NCR3LG1: variants seen among roughly 807,000 people sequenced by gnomAD.
NCR3LG1 encodes the protein natural killer cell cytotoxicity receptor 3 ligand 1.
NCR3LG1 carries 35 observed loss-of-function variants against 34.8 expected under a neutral mutation model. The observed-to-expected ratio is 1.01, with a 90% CI of 0.77 to 1.33. The LOEUF (loss-of-function observed/expected upper bound fraction) is 1.33. Ranked by LOEUF, NCR3LG1 falls within the 40% of genes most tolerant of loss-of-function variation. The probability of loss-of-function intolerance (pLI) is 0.00; values close to 1 mark genes in which losing one functional copy is unlikely to be tolerated. For synonymous variants in NCR3LG1, 173 were observed against 163.6 expected (o/e 1.06, Z -0.44); for missense variants, 452 against 423.3 (o/e 1.07, Z -0.60).
chr11:17,360,393 A>G (rs1235008958), intron 2 of NCR3LG1, among the ~76,000 whole-genome samples: 2 of 152,164 alleles, frequency 1.3e-5, no homozygotes, highest in African/African-American at 4.8e-5. Context: ...CTTAATTTTA[A>G]AAAGTCGAAC....
chr11:17,363,202 G>T (rs1052492093), intron 2 of NCR3LG1, among the ~76,000 whole-genome samples: 1 of 151,534 alleles, frequency 6.6e-6, no homozygotes, highest in East Asian at 2.0e-4. Flanking sequence ...GGGATTACAG[G>T]CATGAGCCAC....
chr11:17,367,445 G>A, intron 3 of NCR3LG1, 98 bp downstream of exon 3: 1 of 1,041,698 alleles, frequency 9.6e-7, no homozygotes, highest in Non-Finnish European at 1.4e-6. Flanking sequence ...GGGGACTGAA[G>A]GGGAAACAGA....
chr11:17,371,144 C>G (rs1239175313), intron 4 of NCR3LG1, among the ~76,000 whole-genome samples: 2 of 146,372 alleles, frequency 1.4e-5, no homozygotes, highest in African/African-American at 2.7e-5. Flanking sequence ...AGCATTCCCT[C>G]TATGAGACAA....
intron 2 of NCR3LG1, among the ~76,000 whole-genome samples, chr11:17,362,796 C>CTCTTTCTT (rs74193431): frequency 2.2e-5 from 3 of 137,624 alleles, no homozygotes; most frequent in African/African-American, 5.5e-5. Context: ...TTCTTTCTCT[C>CTCTTTCTT]TCTTTCTTTC....
chr11:17,369,035 C>T, intron 4 of NCR3LG1, 71 bp downstream of exon 4: 2 of 938,794 alleles, frequency 2.1e-6, no homozygotes, highest in East Asian at 2.6e-5. Flanking sequence ...CAGCTGCTGC[C>T]AACCTTACAA....
chr11:17,366,664 G>A (rs976715066), intron 2 of NCR3LG1, among the ~76,000 whole-genome samples: 1 of 152,146 alleles, frequency 6.6e-6, no homozygotes, highest in Non-Finnish European at 1.5e-5. Context: ...GTCAGTACCC[G>A]GTTGGCACTG....
In NCR3LG1 at chr11:17,372,022, C is replaced by T. The variant is rs759831039; in HGVS notation, c.875C>T (p.Ser292Phe). The T allele has an allele frequency of 1.3e-4, 93 of 700,322 alleles. No homozygotes were observed. Among genetic ancestry groups the T allele is most frequent in the Admixed American group, 4.4e-4 (22 of 49,836 alleles). The allele number at this position is 700,322 out of a possible 1,614,324, so 43.4% of individuals were successfully genotyped here. A position where few individuals can be genotyped will look rare whatever the true frequency, so the allele number is the denominator to read the frequency against. The change falls in exon 5 of 5, where the codon TCT becomes TTT. Residue 292 changes from serine (S) to phenylalanine (F), a missense_variant. Physicochemically the swap from Ser to Phe is radical, Grantham distance 155. Coordinates refer to ENST00000338965, the MANE Select transcript of NCR3LG1 (RefSeq NM_001202439.3). ...TTTTTCTAGATATGTAACAAATCATCTTCAGCCTATACTCCTCTCAAGTGC... is the reference window on the plus strand; with the variant it reads ...TTTTTCTAGATATGTAACAAATCATTTTCAGCCTATACTCCTCTCAAGTGC... Reference protein sequence around the residue: ...IPWKKICNKSSSAYTPLKCIL... With the variant: ...IPWKKICNKSFSAYTPLKCIL...
Position 17,372,709 on chromosome 11 carries a change from C to G in NCR3LG1, c.*197C>G. ...TAAACTCTTAACTACTACAGAGAAACAGGTAGCCCTGCAGGCAGCAGAAAA... is the reference window on the plus strand; with the variant it reads ...TAAACTCTTAACTACTACAGAGAAAGAGGTAGCCCTGCAGGCAGCAGAAAA... On this transcript the variant is annotated 3_prime_UTR_variant, in exon 5 of 5. Coordinates refer to ENST00000338965, the MANE Select transcript of NCR3LG1 (RefSeq NM_001202439.3). 3.8e-6 allele frequency: 2 copies of G among 521,342 alleles called. No individual in the cohort carries two copies. The highest frequency in any genetic ancestry group is 6.7e-6 in the Non-Finnish European group (2 of 296,678). 32.3% of individuals were successfully genotyped at this position (521,342 alleles called of 1,614,324 possible). A position where few individuals can be genotyped will look rare whatever the true frequency, so the allele number is the denominator to read the frequency against.
At chr11:17,364,790 C>T (rs1167206621) in intron 2 of NCR3LG1, among the ~76,000 whole-genome samples, 1 of 152,182 alleles carries the variant, frequency 6.6e-6, no homozygotes, top group African/African-American at 2.4e-5. Flanking sequence ...AGGTGATCCA[C>T]CCACCTCGGC....
Position 17,359,501 on chromosome 11 carries a change from CTT to C in NCR3LG1, c.421+2515_421+2516del, listed in dbSNP as rs34224243. Among the ~76,000 whole-genome samples, 1,136 of 136,614 alleles carry C rather than the reference CTT, an allele frequency of 8.3e-3. 13 individuals carry two copies. Among genetic ancestry groups the C allele is most frequent in the African/African-American group, 0.027 (1,013 of 37,118 alleles). The allele number at this position is 136,614 out of a possible 152,430, so 89.6% of individuals were successfully genotyped here. ...AGAGTACAGTGCTTTTTGGCAATTC[CTT>C]TTTTTTTTTTTTTTGAGATTTTTTT... is the stretch of plus-strand genomic sequence containing the variant. On this transcript the variant is annotated intron_variant, in intron 2 of 4. Transcript: ENST00000338965.
chr11:17,374,032 T>C lies in NCR3LG1; in HGVS notation c.*1520T>C, dbSNP rs546737618. The C allele has an allele frequency of 6.6e-6, 1 of 152,248 alleles. No homozygotes were observed. The highest frequency in any genetic ancestry group is 2.1e-4 in the South Asian group (1 of 4,822). The allele number at this position is 152,248 out of a possible 1,614,324, so 9.4% of individuals were successfully genotyped here. The stretch of plus-strand genomic sequence containing the variant: ...GTAGAAAAGGGCTAGACGCCAGCAT[T>C]GATAACCTAAAGGCACAAGGCCTCC... On this transcript the variant is annotated 3_prime_UTR_variant, in exon 5 of 5. Transcript: ENST00000338965.
At position 17,367,173 on chromosome 11, in the gene NCR3LG1, A is replaced by G. The variant is rs1357368614; in HGVS notation, c.586A>G (p.Thr196Ala). Residue 196 changes from threonine to alanine, a missense_variant, in exon 3 of 5, where the codon ACT becomes GCT. Physicochemically the swap from Thr to Ala is moderately conservative, Grantham distance 58 (BLOSUM62 0). Transcript: ENST00000338965. ...HPIEISEDVI[T>A]GPTIKNMDGT... The stretch of plus-strand genomic sequence containing the variant: ...CATAGAGATTTCTGAGGATGTCATC[A>G]CTGGTCCCACCATCAAGAATATGGA... 6.5e-7 allele frequency: 1 copy of G among 1,536,608 alleles called. No homozygotes were observed. The highest frequency in any genetic ancestry group is 1.2e-5 in the South Asian group (1 of 84,060).
chr11:17,364,552 C>CTTT (rs552228731), intron 2 of NCR3LG1, among the ~76,000 whole-genome samples: 2 of 144,032 alleles, frequency 1.4e-5, no homozygotes, highest in African/African-American at 5.1e-5. Context: ...TTGTCAGTTT[C>CTTT]TTTTTTTTTT....
intron 1 of NCR3LG1, among the ~76,000 whole-genome samples, chr11:17,354,622 G>C (rs1167949048): frequency 7.1e-6 from 1 of 140,764 alleles, no homozygotes; most frequent in Non-Finnish European, 1.5e-5. Context: ...AGGTGGCCTG[G>C]CTGTTTCATA....
intron 3 of NCR3LG1, among the ~76,000 whole-genome samples, chr11:17,367,606 T>A (rs1953360365): frequency 6.6e-6 from 1 of 152,170 alleles, no homozygotes; most frequent in Non-Finnish European, 1.5e-5. Context: ...GGGCTATTTG[T>A]CAGCTCATGG....
chr11:17,372,485 C>T lies in NCR3LG1; in HGVS notation c.1338C>T (p.Pro446=). The change falls in exon 5 of 5, where the codon CCC becomes CCT. Residue 446 remains proline (P), a synonymous_variant. Coordinates refer to ENST00000338965, the MANE Select transcript of NCR3LG1 (RefSeq NM_001202439.3). The part of the protein sequence containing the change: ...TSTTPVLSSQ[P]PTLLLPLQ ...CAACTCCAGTTCTATCCTCCCAACC[C>T]CCAACTTTACTGTTACCCCTACAGT... 1.4e-6 allele frequency: 1 copy of T among 701,210 alleles called. No individual in the cohort carries two copies. Among genetic ancestry groups the T allele is most frequent in the South Asian group, 1.5e-5 (1 of 67,378 alleles). The allele number at this position is 701,210 out of a possible 1,614,324, so 43.4% of individuals were successfully genotyped here. A position where few individuals can be genotyped will look rare whatever the true frequency, so the allele number is the denominator to read the frequency against.
chr11:17,377,497 A>G (rs913576413), downstream of NCR3LG1, among the ~76,000 whole-genome samples: 2 of 152,122 alleles, frequency 1.3e-5, no homozygotes, highest in African/African-American at 4.8e-5. Context: ...CAAAAAACAA[A>G]CAAACAAACA....
chr11:17,367,412 C>A, intron 3 of NCR3LG1, 65 bp downstream of exon 3: 1 of 1,273,166 alleles, frequency 7.9e-7, no homozygotes, highest in African/African-American at 1.5e-5. Context: ...AAGACTTATT[C>A]CCACACAGCC....
At chr11:17,361,627 G>A (rs1205825138) in intron 2 of NCR3LG1, among the ~76,000 whole-genome samples, 1 of 151,616 alleles carries the variant, frequency 6.6e-6, no homozygotes, top group Non-Finnish European at 1.5e-5. Flanking sequence ...TTGCTCAATT[G>A]TTCATTCCTG....
Sources: allele counts gnomAD v4.1 joint callset (sites outside exome capture counted in the v4.1 genomes callset), GRCh38; gene constraint gnomAD v4.1.1; transcripts MANE v1.5; gene names NCBI Gene and HGNC (gene_info 2026-07-23, HGNC 2026-07-21).